The following PGR variants were observed in gnomAD, a reference collection of about 807,000 sequenced individuals.
PGR encodes progesterone receptor, also known as nuclear receptor subfamily 3 group C member 3.
PGR carries 25 observed loss-of-function variants against 76.1 expected under a neutral mutation model. The observed-to-expected ratio is 0.33, with a 90% CI of 0.24 to 0.46. PGR has a LOEUF of 0.46. Among genes scored for constraint, PGR ranks in the 20% least tolerant of loss-of-function variants. The pLI, the probability that PGR is intolerant of heterozygous loss-of-function variation, is 1.00. For synonymous variants in PGR, 579 were observed against 535.0 expected (o/e 1.08, Z -1.14); for missense variants, 1,172 against 1,225.3 (o/e 0.96, Z 0.65).
At chr11:101,126,320 C>A (rs1447855409) in intron 1 of PGR, among the ~76,000 whole-genome samples, 162 bp from the exon 2 acceptor site, 2 of 152,156 alleles carry the variant, frequency 1.3e-5, no homozygotes, top group Non-Finnish European at 2.9e-5. Flanking sequence ...AATAGACTAT[C>A]CGTAACTGGA....
chr11:101,076,894 C>G, intron 3 of PGR, among the ~76,000 whole-genome samples: 1 of 103,966 alleles, frequency 9.6e-6, no homozygotes, highest in Non-Finnish European at 2.2e-5. Context: ...TATATCTTTA[C>G]TATTTTTTTA....
Position 101,128,003 on chromosome 11 carries a change from G to A in PGR, c.1068C>T (p.Gly356=), listed in dbSNP as rs370277965. 3.7e-6 allele frequency: 6 copies of A among 1,611,052 alleles called. No homozygotes were observed. Among genetic ancestry groups the A allele is most frequent in the Non-Finnish European group, 5.1e-6 (6 of 1,179,842 alleles). Residue 356 remains glycine, a synonymous_variant, in exon 1 of 8, where the codon GGC becomes GGT. Coordinates refer to ENST00000325455, the MANE Select transcript of PGR (RefSeq NM_000926.4). Reference sequence around the variant, plus strand: ...GCGGGTACGCGCAGTCGGGGAAGTCGCCTACAGCGACCGGGGTGGACGAGG... The same window carrying A: ...GCGGGTACGCGCAGTCGGGGAAGTCACCTACAGCGACCGGGGTGGACGAGG... ...PCASSTPVAV[G]DFPDCAYPPD...
intron 3 of PGR, among the ~76,000 whole-genome samples, chr11:101,091,394 G>A (rs1423848861): frequency 5.3e-5 from 8 of 152,132 alleles, no homozygotes; most frequent in Non-Finnish European, 1.0e-4. Context: ...TAATGCTCTC[G>A]TTTTACAGAT....
At chr11:101,052,691 C>T (rs1860139247) in intron 4 of PGR, among the ~76,000 whole-genome samples, 1 of 151,824 alleles carries the variant, frequency 6.6e-6, no homozygotes, top group African/African-American at 2.4e-5. Flanking sequence ...CTGTCAAAGC[C>T]CAGGTGAGAG....
In PGR at chr11:101,049,830, C is replaced by T. The variant is rs74353252; in HGVS notation, c.2488+99G>A. ...TCTTCTTTATACTTATAATCCAAGA[C>T]GTCTACCTCATACATAACTATATAA... On this transcript the variant is annotated intron_variant, in intron 6 of 7. Transcript: ENST00000325455. 3.7e-4 allele frequency: 338 copies of T among 904,714 alleles called. 7 individuals carry two copies. In the East Asian group the frequency reaches 6.3e-3, roughly 17 times the overall value. The allele number at this position is 904,714 out of a possible 1,614,324, so 56.0% of individuals were successfully genotyped here. A position where few individuals can be genotyped will look rare whatever the true frequency, so the allele number is the denominator to read the frequency against.
chr11:101,074,320 C>T (rs373843521), intron 3 of PGR, among the ~76,000 whole-genome samples: 30 of 152,142 alleles, frequency 2.0e-4, no homozygotes, highest in East Asian at 7.7e-4. Context: ...ATTGATGGAC[C>T]GTATCTCAAA....
At chr11:101,053,046 G>C (rs1860153941) in intron 4 of PGR, among the ~76,000 whole-genome samples, 2 of 152,228 alleles carry the variant, frequency 1.3e-5, no homozygotes, top group East Asian at 1.9e-4. Flanking sequence ...ATTTGTATCT[G>C]AGTATAACTG....
At chr11:101,053,546 T>TCC (rs57628533) in intron 4 of PGR, among the ~76,000 whole-genome samples, 8 of 119,630 alleles carry the variant, frequency 6.7e-5, no homozygotes, top group African/African-American at 2.4e-4. Flanking sequence ...CCCTTCTCCC[T>TCC]TTCTTCCCTC....
intron 3 of PGR, among the ~76,000 whole-genome samples, chr11:101,073,087 C>T (rs932115980): frequency 6.6e-6 from 1 of 152,146 alleles, no homozygotes; most frequent in Admixed American, 6.5e-5. Flanking sequence ...AAACACTCCT[C>T]AGCAAATGTG....
chr11:101,067,961 A>T (rs776409660), intron 3 of PGR, among the ~76,000 whole-genome samples: 1 of 152,012 alleles, frequency 6.6e-6, no homozygotes, highest in Non-Finnish European at 1.5e-5. Context: ...AAAATGACCA[A>T]CTCCAAATTA....
chr11:101,119,943 C>T (rs975320817), intron 2 of PGR, among the ~76,000 whole-genome samples: 1 of 152,188 alleles, frequency 6.6e-6, no homozygotes, highest in African/African-American at 2.4e-5. Context: ...TAGATACTAA[C>T]AGAACCTCCA....
chr11:101,060,938 C>T (rs1375849313), intron 4 of PGR, among the ~76,000 whole-genome samples: 2 of 152,106 alleles, frequency 1.3e-5, no homozygotes, highest in Non-Finnish European at 2.9e-5. Flanking sequence ...AGCTTTTATC[C>T]AAAGTGAATA....
rs543100371 is a variant in PGR at position 101,127,535 on chromosome 11, G to A, written c.1536C>T (p.Tyr512=). The A allele has an allele frequency of 2.3e-5, 34 of 1,457,750 alleles. No individual in the cohort carries two copies. The Middle Eastern group carries it at 6.5e-4, about 28-fold the overall frequency. The allele number at this position is 1,457,750 out of a possible 1,614,324, so 90.3% of individuals were successfully genotyped here. A position where few individuals can be genotyped will look rare whatever the true frequency, so the allele number is the denominator to read the frequency against. Residue 512 remains tyrosine, a synonymous_variant, in exon 1 of 8, where the codon TAC becomes TAT. Coordinates refer to ENST00000325455, the MANE Select transcript of PGR (RefSeq NM_000926.4). ...AAAAGAAPAL[Y]PALGLNGLPQ... ...GGAGCCCGTTGAGGCCGAGTGCAGG[G>A]TAGAGCGCGGGGGCCGCCCCGGCGG... is the stretch of plus-strand genomic sequence containing the variant.
intron 3 of PGR, among the ~76,000 whole-genome samples, chr11:101,076,614 G>A (rs1861136349): frequency 6.6e-6 from 1 of 151,902 alleles, no homozygotes; most frequent in Non-Finnish European, 1.5e-5. Flanking sequence ...GACTGAATCT[G>A]GATGATGATA....
At chr11:101,076,919 ATTTTTTT>A (rs59106149) in intron 3 of PGR, among the ~76,000 whole-genome samples, 9 of 65,130 alleles carry the variant, frequency 1.4e-4, no homozygotes, top group African/African-American at 4.1e-4. Flanking sequence ...TACAAATGGA[ATTTTTTT>A]TTTTTTTTTT....
intron 3 of PGR, among the ~76,000 whole-genome samples, chr11:101,090,133 G>A (rs1170817120): frequency 6.6e-6 from 1 of 152,138 alleles, no homozygotes; most frequent in Non-Finnish European, 1.5e-5. Context: ...GGGAGGCAGA[G>A]GTTGCAGTGA....
intron 4 of PGR, among the ~76,000 whole-genome samples, chr11:101,060,767 G>A (rs1220578698): frequency 6.6e-6 from 1 of 152,130 alleles, no homozygotes; most frequent in East Asian, 1.9e-4. Flanking sequence ...GGTAATACTA[G>A]TGTTGCCATT....
intron 3 of PGR, among the ~76,000 whole-genome samples, chr11:101,080,763 C>T (rs1441896873): frequency 7.9e-5 from 12 of 152,004 alleles, no homozygotes. Flanking sequence ...TTAAGAAAGA[C>T]ATGAACATCT....
chr11:101,062,876 A>G (rs201943214), intron 3 of PGR, 124 bp from the exon 4 acceptor site: 11 of 283,648 alleles, frequency 3.9e-5, no homozygotes, highest in Admixed American at 1.4e-4. Flanking sequence ...CGAATGAAAT[A>G]GAATAAAAGT....
Sources: gnomAD v4.1 joint callset for allele counts (sites outside exome capture counted in the v4.1 genomes callset) on GRCh38, gnomAD v4.1.1 for gene constraint, MANE v1.5 for transcripts, NCBI Gene and HGNC (gene_info 2026-07-23, HGNC 2026-07-21) for gene names.